Variants in BTBD7 observed in about 807,000 individuals in gnomAD.
The protein encoded by BTBD7 is BTB domain containing 7.
BTBD7 carries 38 observed loss-of-function variants against 99.9 expected under a neutral mutation model. The ratio of observed to expected loss-of-function variants is 0.38; its 90% CI spans 0.29 to 0.50. BTBD7 has a LOEUF of 0.50. Among genes scored for constraint, BTBD7 ranks in the 20% least tolerant of loss-of-function variants. The pLI is 0.93. For missense variants in BTBD7, 1,170 were observed against 1,394.6 expected (o/e 0.84, Z 2.57); for synonymous variants, 520 against 511.4 (o/e 1.02, Z -0.23).
rs534233695 is a variant in BTBD7, at chr14:93,314,620, C to CT, written c.-107+18199dup. On this transcript the variant is annotated intron_variant, in intron 1 of 10. Transcript: ENST00000334746. ...CAATATTATAAATAGCACTGCAAGT[C>CT]TTTTACACATATCTTTGCCCACTCT... Among the ~76,000 whole-genome samples, 125 of 152,274 alleles carry CT rather than the reference C, an allele frequency of 8.2e-4. 7 individuals are homozygous for CT. In the South Asian group the frequency reaches 0.025, roughly 30 times the overall value.
intron 3 of BTBD7, among the ~76,000 whole-genome samples, chr14:93,286,706 G>T (rs538503937): frequency 6.6e-6 from 1 of 152,106 alleles, no homozygotes; most frequent in Admixed American, 6.5e-5. Flanking sequence ...TTACAGCTTC[G>T]TGACTTCCAA....
chr14:93,245,795 T>C (rs753732824), intron 10 of BTBD7, 30 bp downstream of exon 10: 6 of 1,589,622 alleles, frequency 3.8e-6, no homozygotes, highest in Non-Finnish European at 5.1e-6. Flanking sequence ...TAAACCGAAT[T>C]TGAAGCAAGT....
chr14:93,331,897 T>C (rs963650026), intron 1 of BTBD7, among the ~76,000 whole-genome samples: 10 of 128,262 alleles, frequency 7.8e-5, no homozygotes, highest in Non-Finnish European at 4.7e-5. Flanking sequence ...CCCAAAAAGG[T>C]TGTTAGTTGA....
At chr14:93,327,317 A>C (rs1461286456) in intron 1 of BTBD7, among the ~76,000 whole-genome samples, 4 of 152,220 alleles carry the variant, frequency 2.6e-5, no homozygotes, top group Non-Finnish European at 4.4e-5. Context: ...ACAGTGCTAG[A>C]TACTAGAAAT....
intron 5 of BTBD7, among the ~76,000 whole-genome samples, chr14:93,260,426 T>C (rs1283767502): frequency 1.3e-5 from 2 of 152,230 alleles, no homozygotes; most frequent in African/African-American, 4.8e-5. Context: ...AAAAGACTGC[T>C]GTAGAATCAC....
At chr14:93,248,377 C>T (rs17128960) in intron 9 of BTBD7, 99 bp downstream of exon 9, 122,831 of 1,293,758 alleles carry the variant, frequency 0.095, 6,829 homozygotes, top group African/African-American at 0.21. Flanking sequence ...GCACATACGA[C>T]GAAAAGGAAA....
At chr14:93,321,190 C>G (rs780056128) in intron 1 of BTBD7, among the ~76,000 whole-genome samples, 46 of 152,340 alleles carry the variant, frequency 3.0e-4, no homozygotes, top group South Asian at 1.9e-3. Flanking sequence ...AAAACACTCT[C>G]TCCCTCAAAT....
At chr14:93,254,227 G>A (rs1369435849) in intron 6 of BTBD7, among the ~76,000 whole-genome samples, 1 of 151,980 alleles carries the variant, frequency 6.6e-6, no homozygotes, top group Non-Finnish European at 1.5e-5. Context: ...GTGAGCCACC[G>A]TGCCCGGTGA....
chr14:93,242,167 A>C lies in BTBD7; in HGVS notation c.*106T>G, dbSNP rs2052237814. The C allele has an allele frequency of 3.0e-6, 3 of 1,009,292 alleles. No homozygotes were observed. The East Asian group carries it at 7.4e-5, about 25-fold the overall frequency. The allele number at this position is 1,009,292 out of a possible 1,614,324, so 62.5% of individuals were successfully genotyped here. A position where few individuals can be genotyped will look rare whatever the true frequency, so the allele number is the denominator to read the frequency against. ...ACAAAAACTAGAACAAAATCATGTG[A>C]AACCGAGTTATCAGCTGGCATTGAT... On this transcript the variant is annotated 3_prime_UTR_variant, in exon 11 of 11. Coordinates refer to ENST00000334746, the MANE Select transcript of BTBD7 (RefSeq NM_001002860.4).
At chr14:93,281,905 T>C (rs1163147922) in intron 3 of BTBD7, among the ~76,000 whole-genome samples, 2 of 152,354 alleles carry the variant, frequency 1.3e-5, no homozygotes, top group South Asian at 2.1e-4. Context: ...CAGAGAGTTA[T>C]TATAGGAGAT....
Position 93,294,825 on chromosome 14 carries a change from G to C in BTBD7, c.195C>G (p.Thr65=), listed in dbSNP as rs781169380. 3.7e-6 allele frequency: 6 copies of C among 1,613,970 alleles called. No individual in the cohort carries two copies. The South Asian group carries it at 6.6e-5, about 18-fold the overall frequency. ...GACGCTTAATAAACTTCTTTTTGAG[G>C]GTGGCAAGACCAGAGGTTCTCTTTT... ...DKKKRTSGLA[T]LKKKFIKRRK... The change falls in exon 3 of 11, where the codon ACC becomes ACG. Residue 65 remains threonine (T), a synonymous_variant. Transcript: ENST00000334746.
At chr14:93,296,290 T>A (rs957959098) in intron 1 of BTBD7, 133 bp from the exon 2 acceptor site, 1 of 592,658 alleles carries the variant, frequency 1.7e-6, no homozygotes, top group Non-Finnish European at 2.5e-6. Flanking sequence ...TGTCAAATTT[T>A]CATAAAATGT....
At chr14:93,332,758 C>T in intron 1 of BTBD7, 62 bp downstream of exon 1, 2 of 1,446,482 alleles carry the variant, frequency 1.4e-6, no homozygotes, top group Non-Finnish European at 1.8e-6. Context: ...CTCCCGGACG[C>T]CCCGCGCCAC....
intron 7 of BTBD7, among the ~76,000 whole-genome samples, chr14:93,252,116 T>C (rs1368225953): frequency 6.6e-6 from 1 of 151,936 alleles, no homozygotes; most frequent in African/African-American, 2.4e-5. Flanking sequence ...TCAAGACCAG[T>C]CTGGCCAACA....
intron 6 of BTBD7, chr14:93,255,874 A>T (rs2052423777): frequency 6.6e-6 from 1 of 152,268 alleles, no homozygotes; most frequent in Admixed American, 6.5e-5. Context: ...CTACCTTAAC[A>T]GGTGAAAAAA....
intron 9 of BTBD7, among the ~76,000 whole-genome samples, chr14:93,247,152 G>A (rs1052792978): frequency 4.0e-5 from 6 of 151,708 alleles, no homozygotes; most frequent in African/African-American, 1.5e-4. Context: ...TAATCCTCCC[G>A]AGGAACCGGG....
At chr14:93,279,325 G>A (rs1482472640) in intron 3 of BTBD7, among the ~76,000 whole-genome samples, 1 of 152,058 alleles carries the variant, frequency 6.6e-6, no homozygotes. Flanking sequence ...TTTATCTCTA[G>A]GCCAGTTCCT....
chr14:93,295,151 C>G (rs1392606901), intron 2 of BTBD7, among the ~76,000 whole-genome samples: 1 of 152,150 alleles, frequency 6.6e-6, no homozygotes, highest in East Asian at 1.9e-4. Context: ...CTGTGTTGCT[C>G]AAGCTGGAGT....
chr14:93,259,666 T>C (rs2052467095), intron 5 of BTBD7, among the ~76,000 whole-genome samples: 1 of 152,214 alleles, frequency 6.6e-6, no homozygotes, highest in African/African-American at 2.4e-5. Flanking sequence ...TCAACTGTAA[T>C]GGTTTTCATA....
Sources: gnomAD v4.1 joint callset for allele counts (sites outside exome capture counted in the v4.1 genomes callset) on GRCh38, gnomAD v4.1.1 for gene constraint, MANE v1.5 for transcripts, NCBI Gene and HGNC (gene_info 2026-07-23, HGNC 2026-07-21) for gene names.